Variants in ARNT observed in about 807,000 individuals in gnomAD.
The protein encoded by ARNT is class E basic helix-loop-helix protein 2.
In ARNT, 30 loss-of-function variants were observed where a neutral mutation model predicts 105.0. The observed-to-expected ratio is 0.29, with a 90% CI of 0.21 to 0.39. The LOEUF is 0.39. Among genes scored for constraint, ARNT ranks in the 10% least tolerant of loss-of-function variants. The pLI is 1.00. For missense variants in ARNT, 748 were observed against 978.7 expected, an observed-to-expected ratio of 0.76 and a Z score of 3.15; for synonymous variants, 304 against 344.0, an observed-to-expected ratio of 0.88 and a Z score of 1.29.
At chr1:150,818,322 T>C in intron 14 of ARNT, 1 of 243,982 alleles carries the variant, frequency 4.1e-6, no homozygotes, top group Non-Finnish European at 7.8e-6. Context: ...TAAGGTATTT[T>C]TTAAAAGCAT....
rs587754653 is a variant in ARNT at position 150,817,279 on chromosome 1, A to G, written c.1579-77T>C. ...AATAACCCTAAAATTCATATACAAC[A>G]TATGTACATTCTAACTAGTACCGGA... On this transcript the variant is annotated intron_variant, in intron 16 of 21. Coordinates refer to ENST00000358595, the MANE Select transcript of ARNT (RefSeq NM_001668.4). 4.1e-5 allele frequency: 66 copies of G among 1,611,458 alleles called. 1 individual carries two copies. The South Asian group carries it at 7.1e-4, about 17-fold the overall frequency.
Position 150,814,175 on chromosome 1 carries a change from G to C in ARNT, c.2015C>G (p.Thr672Ser). 1 of 1,614,202 alleles carries C rather than the reference G, an allele frequency of 6.2e-7. No homozygotes were observed. The highest frequency in any genetic ancestry group is 8.5e-7 in the Non-Finnish European group (1 of 1,180,038). ...TSQFGVGSFQ[T>S]PSSFSSMSLP... is the part of the protein sequence containing the mutation. The stretch of plus-strand genomic sequence containing the variant: ...GGACATGGAGCTGAAGGAGGATGGA[G>C]TCTGAAAGCTGCCCACACCAAACTG... Residue 672 changes from threonine (T) to serine (S), a missense_variant, in exon 20 of 22, where the codon ACT (threonine) becomes AGT (serine). Thr to Ser is a moderately conservative substitution (Grantham distance 58). Around this residue, in one of 4 missense-constraint regions of ARNT, gnomAD observed 360 missense variants for 411.9 expected, o/e 0.87. Coordinates refer to ENST00000358595, the MANE Select transcript of ARNT (RefSeq NM_001668.4).
chr1:150,839,453 G>A lies in ARNT; in HGVS notation c.474C>T (p.Phe158=), dbSNP rs753556156. The A allele has an allele frequency of 1.2e-6, 2 of 1,614,192 alleles. No individual in the cohort carries two copies. The highest frequency in any genetic ancestry group is 2.7e-5 in the African/African-American group (2 of 75,046). ...AAGTCCCAGAGACCTGATCAGTGAG[G>A]AAAGACGGCTTATAGGAGCCATCAG... The part of the protein sequence containing the change: ...TSTDGSYKPS[F]LTDQELKHLI... The change falls in exon 6 of 22, where the codon TTC becomes TTT. Residue 158 remains phenylalanine (F), a synonymous_variant. Coordinates refer to ENST00000358595, the MANE Select transcript of ARNT (RefSeq NM_001668.4).
intron 3 of ARNT, 80 bp downstream of exon 3, chr1:150,852,682 A>C: frequency 7.2e-7 from 1 of 1,390,360 alleles, no homozygotes; most frequent in Non-Finnish European, 1.0e-6. Context: ...CTAAGGACAA[A>C]AATTTACAAG....
Position 150,818,025 on chromosome 1 carries a change from G to C in ARNT, c.1400C>G (p.Ser467Cys), listed in dbSNP as rs1046719835. The change falls in exon 15 of 22, where the codon TCT becomes TGT. Residue 467 changes from serine (S) to cysteine (C), a missense_variant. Coordinates refer to ENST00000358595, the MANE Select transcript of ARNT (RefSeq NM_001668.4). ...GAGTGTAGGCCGTGGTTCTTGGCTAGAGTTCCTAGGAAACCAGAGTAGACA... is the reference window on the plus strand; with the variant it reads ...GAGTGTAGGCCGTGGTTCTTGGCTACAGTTCCTAGGAAACCAGAGTAGACA... Reference protein sequence around the residue: ...IICTNTNVKNSSQEPRPTLSN... With the variant: ...IICTNTNVKNCSQEPRPTLSN... The C allele has an allele frequency of 1.9e-6, 3 of 1,609,748 alleles. No individual in the cohort carries two copies.
intron 8 of ARNT, 132 bp downstream of exon 8, chr1:150,834,406 G>A: frequency 1.2e-6 from 1 of 816,798 alleles, no homozygotes; most frequent in East Asian, 2.6e-5. Context: ...TTTATTCTGT[G>A]TTACAATCCA....
chr1:150,838,756 G>A (rs1477240461), intron 6 of ARNT, among the ~76,000 whole-genome samples: 2 of 152,054 alleles, frequency 1.3e-5, no homozygotes, highest in African/African-American at 4.8e-5. Context: ...CTTACCCTCA[G>A]AAGTCTTCCC....
At chr1:150,856,870 G>A (rs1261362594) in intron 2 of ARNT, among the ~76,000 whole-genome samples, 3 of 151,756 alleles carry the variant, frequency 2.0e-5, no homozygotes, top group Non-Finnish European at 2.9e-5. Flanking sequence ...CAAGGCAGGA[G>A]GACTGCTTGA....
At position 150,810,069 on chromosome 1, in the gene ARNT, A is replaced by C. The variant is rs1200158318; in HGVS notation, c.*1952T>G. ...AACTGGAAAGGAATGATAAAGCCGC[A>C]ATCAAGATCACACAACACAAGAAAT... On this transcript the variant is annotated 3_prime_UTR_variant, in exon 22 of 22. Coordinates refer to ENST00000358595, the MANE Select transcript of ARNT (RefSeq NM_001668.4). The C allele has an allele frequency of 4.3e-6, 1 of 230,058 alleles. No individual in the cohort carries two copies. The highest frequency in any genetic ancestry group is 8.6e-6 in the Non-Finnish European group (1 of 115,802). 14.3% of individuals were successfully genotyped at this position (230,058 alleles called of 1,614,324 possible).
At chr1:150,829,747 T>C (rs1658990166) in intron 11 of ARNT, among the ~76,000 whole-genome samples, 157 bp downstream of exon 11, 1 of 152,196 alleles carries the variant, frequency 6.6e-6, no homozygotes, top group African/African-American at 2.4e-5. Context: ...AATCCAAGAA[T>C]AGCAATGGTC....
At chr1:150,856,761 C>T (rs1352880356) in intron 2 of ARNT, among the ~76,000 whole-genome samples, 2 of 151,594 alleles carry the variant, frequency 1.3e-5, no homozygotes, top group Non-Finnish European at 2.9e-5. Context: ...GACTCTGCCT[C>T]GAAAATAAAT....
chr1:150,812,610 T>A (rs587635516), intron 21 of ARNT: 1 of 153,030 alleles, frequency 6.5e-6, no homozygotes, highest in East Asian at 1.9e-4. Flanking sequence ...GAACACTTCA[T>A]GAATTTGTGT....
rs115569224 is a variant in ARNT at position 150,810,690 on chromosome 1, G to A, written c.*1331C>T. The A allele has an allele frequency of 1.4e-3, 299 of 218,172 alleles. 1 individual carries two copies. Among genetic ancestry groups the A allele is most frequent in the African/African-American group, 6.5e-3 (289 of 44,494 alleles). 13.5% of individuals were successfully genotyped at this position (218,172 alleles called of 1,614,324 possible). ...CTGTTACCTGAGGAAGGTAAAGGGT[G>A]AGGGTAGTAACCTGTATCCGCATTT... On this transcript the variant is annotated 3_prime_UTR_variant, in exon 22 of 22. Coordinates refer to ENST00000358595, the MANE Select transcript of ARNT (RefSeq NM_001668.4).
chr1:150,820,741 A>T (rs778065957), intron 14 of ARNT, among the ~76,000 whole-genome samples: 4 of 152,224 alleles, frequency 2.6e-5, no homozygotes, highest in Non-Finnish European at 5.9e-5. Context: ...TGGAAAATGA[A>T]GAACTTCAAA....
chr1:150,867,936 C>T lies in ARNT; in HGVS notation c.25+8607G>A, dbSNP rs587755112. Among the ~76,000 whole-genome samples, 4 of 152,224 alleles carry T rather than the reference C, an allele frequency of 2.6e-5. No homozygotes were observed. In the South Asian group the frequency reaches 6.2e-4, roughly 24 times the overall value. On this transcript the variant is annotated intron_variant, in intron 1 of 21. Coordinates refer to ENST00000358595, the MANE Select transcript of ARNT (RefSeq NM_001668.4). ...CCTGAGGCCTCCCCAGCCCTGCCTC[C>T]CATACAGCCTGCGGAACTATGAGTC...
chr1:150,850,655 G>A (rs1046419343), intron 3 of ARNT, among the ~76,000 whole-genome samples: 4 of 152,232 alleles, frequency 2.6e-5, no homozygotes, highest in Middle Eastern at 3.2e-3. Flanking sequence ...CCAGCCGCCT[G>A]CCTTGGCTTC....
intron 21 of ARNT, 41 bp downstream of exon 21, chr1:150,813,131 C>T: frequency 6.3e-7 from 1 of 1,595,486 alleles, no homozygotes; most frequent in African/African-American, 1.3e-5. Flanking sequence ...GACCCTTTCT[C>T]TCCCAGCTTC....
At position 150,867,692 on chromosome 1, in the gene ARNT, T is replaced by A. The variant is rs185071241; in HGVS notation, c.25+8851A>T. ...ACCCAAATATCATGTCAAATTGTAA[T>A]CCCCAGTGTTGAAGGTGCAGTCTGG... On this transcript the variant is annotated intron_variant, in intron 1 of 21. Coordinates refer to ENST00000358595, the MANE Select transcript of ARNT (RefSeq NM_001668.4). Among the ~76,000 whole-genome samples the A allele has an allele frequency of 3.3e-3, 495 of 152,234 alleles. 2 individuals are homozygous for A. Among genetic ancestry groups the A allele is most frequent in the African/African-American group, 0.011 (474 of 41,536 alleles).
chr1:150,831,555 C>T, intron 10 of ARNT: 1 of 402,004 alleles, frequency 2.5e-6, no homozygotes, highest in Non-Finnish European at 4.4e-6. Context: ...TACATATGTT[C>T]AGTATAAATT....
Sources: allele counts gnomAD v4.1 joint callset (sites outside exome capture counted in the v4.1 genomes callset), GRCh38; gene constraint gnomAD v4.1.1; regional missense constraint gnomAD v4.1.1; transcripts MANE v1.5; gene names NCBI Gene and HGNC (gene_info 2026-07-23, HGNC 2026-07-21).